SH3TC2: variants seen among roughly 807,000 people sequenced by gnomAD.
SH3TC2 encodes the protein SH3 domain and tetratricopeptide repeats 2, also known as SH3 domain and tetratricopeptide repeat-containing protein 2.
SH3TC2 carries 87 observed loss-of-function variants against 124.5 expected under a neutral mutation model. That is an observed-to-expected ratio of 0.70 (90% CI 0.59 to 0.84). The LOEUF is 0.84. Among genes scored for constraint, SH3TC2 ranks in the 40% least tolerant of loss-of-function variants. The pLI is 0.00. For synonymous variants in SH3TC2, 634 were observed against 628.5 expected, an observed-to-expected ratio of 1.01 and a Z score of -0.13; for missense variants, 1,536 against 1,566.4, an observed-to-expected ratio of 0.98 and a Z score of 0.33.
intron 2 of SH3TC2, among the ~76,000 whole-genome samples, chr5:149,048,952 T>C (rs1284362975): frequency 5.3e-5 from 8 of 152,214 alleles, no homozygotes; most frequent in African/African-American, 1.9e-4. Flanking sequence ...TGAGAAGGCG[T>C]TGGAATGGAT....
At chr5:149,013,919 G>A (rs922348363) in intron 12 of SH3TC2, among the ~76,000 whole-genome samples, 1 of 152,132 alleles carries the variant, frequency 6.6e-6, no homozygotes, top group East Asian at 1.9e-4. Context: ...CCAGGGTCTC[G>A]GAATATGGCT....
At chr5:149,019,959 C>T (rs2127395087) in intron 12 of SH3TC2, among the ~76,000 whole-genome samples, 1 of 152,302 alleles carries the variant, frequency 6.6e-6, no homozygotes, top group African/African-American at 2.4e-5. Context: ...AGCCTCTGCT[C>T]ACAGGGCTTG....
chr5:149,048,035 A>G (rs1021599898), intron 2 of SH3TC2, 46 bp from the exon 3 acceptor site: 7 of 1,611,096 alleles, frequency 4.3e-6, no homozygotes, highest in Non-Finnish European at 5.9e-6. Flanking sequence ...AATAGAATAA[A>G]AAGGAAGAAA....
chr5:149,012,610 C>A lies in SH3TC2; in HGVS notation c.3178G>T (p.Asp1060Tyr). Residue 1060 changes from aspartate (D) to tyrosine (Y), a missense_variant, in exon 13 of 17, where the codon GAC (aspartate) becomes TAC (tyrosine). Around this residue, in one of 3 missense-constraint regions of SH3TC2, gnomAD observed 426 missense variants for 443.5 expected, o/e 0.96. Transcript: ENST00000515425. The part of the protein sequence containing the change: ...AGRLHYLMQE[D>Y]ELVELCLQAA... ...TGCAGGCACAGCTCCACCAGCTCGTCTTCCTGCATGAGGTAGTGGAGTCGC... is the reference window on the plus strand; with the variant it reads ...TGCAGGCACAGCTCCACCAGCTCGTATTCCTGCATGAGGTAGTGGAGTCGC... 1.2e-6 allele frequency: 2 copies of A among 1,614,172 alleles called. No homozygotes were observed. Among genetic ancestry groups the A allele is most frequent in the Non-Finnish European group, 1.7e-6 (2 of 1,180,030 alleles).
chr5:149,032,677 A>G (rs1251991668), intron 8 of SH3TC2, among the ~76,000 whole-genome samples: 1 of 152,224 alleles, frequency 6.6e-6, no homozygotes, highest in Admixed American at 6.5e-5. Context: ...AGGCACAGCA[A>G]AATGAAGTTG....
Position 149,027,396 on chromosome 5 carries a change from T to A in SH3TC2, c.2336A>T (p.Tyr779Phe). The change falls in exon 11 of 17, where the codon TAC becomes TTC. Residue 779 changes from tyrosine (Y) to phenylalanine (F), a missense_variant. Tyr to Phe is a conservative substitution (Grantham distance 22). This residue lies in a region of SH3TC2 where 1,102 missense variants were observed against 1,098.6 expected (regional missense o/e 1.00). Transcript: ENST00000515425. ...CCCTAGCACCAAGGCCTGGCTCAGG[T>A]AGTGGATGGCACCGTCAGGAGACCT... ...EHRSPDGAIH[Y>F]LSQALVLGQL... 1 of 1,614,040 alleles carries A rather than the reference T, an allele frequency of 6.2e-7. No individual in the cohort carries two copies. The highest frequency in any genetic ancestry group is 1.1e-5 in the South Asian group (1 of 91,078).
chr5:149,056,026 A>T (rs955835966), intron 1 of SH3TC2, among the ~76,000 whole-genome samples: 2 of 152,218 alleles, frequency 1.3e-5, no homozygotes, highest in Admixed American at 1.3e-4. Flanking sequence ...ACCACACTGT[A>T]CACATGATTT....
At chr5:149,049,654 G>A (rs530197607) in intron 2 of SH3TC2, among the ~76,000 whole-genome samples, 1 of 152,130 alleles carries the variant, frequency 6.6e-6, no homozygotes, top group African/African-American at 2.4e-5. Flanking sequence ...GCATGGTGGT[G>A]CATGCCTGTA....
chr5:149,020,370 G>GA (rs1753948785), intron 12 of SH3TC2, among the ~76,000 whole-genome samples: 1 of 151,572 alleles, frequency 6.6e-6, no homozygotes, highest in Admixed American at 6.6e-5. Flanking sequence ...TAGTATACAA[G>GA]AAAAAATCTA....
chr5:149,008,680 T>C, intron 15 of SH3TC2, 171 bp downstream of exon 15: 1 of 852,084 alleles, frequency 1.2e-6, no homozygotes, highest in Admixed American at 2.0e-5. Context: ...ATGACAAGCT[T>C]GAGGCTTATA....
chr5:149,018,582 G>A (rs368435801), intron 12 of SH3TC2, among the ~76,000 whole-genome samples: 168 of 152,214 alleles, frequency 1.1e-3, no homozygotes, highest in African/African-American at 3.8e-3. Context: ...ACTACCATGA[G>A]AAGAGTATGG....
chr5:149,027,797 G>A lies in SH3TC2; in HGVS notation c.1935C>T (p.Ser645=). 6.2e-7 allele frequency: 1 copy of A among 1,613,942 alleles called. No individual in the cohort carries two copies. Among genetic ancestry groups the A allele is most frequent in the Non-Finnish European group, 8.5e-7 (1 of 1,180,008 alleles). ...GCAGGACCTCCTCGTGCCGGCCTAG[G>A]CTCAGGAGCAAGCGGATGGCCAGAA... ...ACFLAIRLLL[S]LGRHEEVLPF... The change falls in exon 11 of 17, where the codon AGC becomes AGT. Residue 645 remains serine (S), a synonymous_variant. Transcript: ENST00000515425.
Position 149,047,913 on chromosome 5 carries a change from C to A in SH3TC2, c.228G>T (p.Arg76Ser), listed in dbSNP as rs1388489074. The A allele has an allele frequency of 6.2e-7, 1 of 1,614,192 alleles. No individual in the cohort carries two copies. Residue 76 changes from arginine (R) to serine (S), a missense_variant, in exon 3 of 17, where the codon AGG becomes AGT. Around this residue, in one of 3 missense-constraint regions of SH3TC2, gnomAD observed 1,102 missense variants for 1,098.6 expected, o/e 1.00. Transcript: ENST00000515425. The stretch of plus-strand genomic sequence containing the variant: ...CCTCATTCTCCAGTGCCCAGAGCCG[C>A]CTCCGAGCAGCTTCCTGTAGGGGTC... The part of the protein sequence containing the change: ...VNGPLQEAAR[R>S]RLWALENEDQ...
In SH3TC2 at chr5:149,000,321, GA is replaced by G. The variant is rs1753577236; in HGVS notation, c.*4389del. Among the ~76,000 whole-genome samples the G allele has an allele frequency of 6.6e-6, 1 of 151,910 alleles. No homozygotes were observed. Among genetic ancestry groups the G allele is most frequent in the African/African-American group, 2.4e-5 (1 of 41,344 alleles). ...TACTCCATTTCTCTGAGTGTGCAAG[GA>G]AAAAGTGGTTGTTGCTAGTCTGTCA... On this transcript the variant is annotated 3_prime_UTR_variant, in exon 17 of 17. Coordinates refer to ENST00000515425, the MANE Select transcript of SH3TC2 (RefSeq NM_024577.4).
intron 9 of SH3TC2, 52 bp downstream of exon 9, chr5:149,031,502 C>G: frequency 9.3e-6 from 15 of 1,612,876 alleles, no homozygotes; most frequent in Non-Finnish European, 1.3e-5. Flanking sequence ...GGGACACTAT[C>G]TTATTCTTGA....
At chr5:149,060,995 G>A (rs1371738985) in intron 1 of SH3TC2, among the ~76,000 whole-genome samples, 3 of 152,256 alleles carry the variant, frequency 2.0e-5, no homozygotes, top group South Asian at 2.1e-4. Context: ...TATCCAGATC[G>A]ACTGGACTTG....
At chr5:149,009,897 C>T (rs1753755663) in intron 14 of SH3TC2, among the ~76,000 whole-genome samples, 1 of 152,072 alleles carries the variant, frequency 6.6e-6, no homozygotes, top group South Asian at 2.1e-4. Flanking sequence ...ATCTACATAA[C>T]CCTTTAAATA....
Position 148,996,451 on chromosome 5 carries a change from C to A in SH3TC2, c.*8260G>T, listed in dbSNP as rs745730474. On this transcript the variant is annotated 3_prime_UTR_variant, in exon 17 of 17. Transcript: ENST00000515425. ...TCTGTTTGCTATCCTTTCCCTCCAC[C>A]CACTACAGCCCCAAAGCTACATGTT... Among the ~76,000 whole-genome samples, 9 of 152,154 alleles carry A rather than the reference C, an allele frequency of 5.9e-5. No homozygotes were observed. Among genetic ancestry groups the A allele is most frequent in the South Asian group, 2.1e-4 (1 of 4,826 alleles).
intron 3 of SH3TC2, 21 bp from the exon 4 acceptor site, chr5:149,044,659 G>T: frequency 1.9e-6 from 3 of 1,587,450 alleles, no homozygotes; most frequent in Non-Finnish European, 2.6e-6. Flanking sequence ...GAAACAATGA[G>T]TCAGCCTGGG....
Sources: allele counts gnomAD v4.1 joint callset (sites outside exome capture counted in the v4.1 genomes callset), GRCh38; gene constraint gnomAD v4.1.1; regional missense constraint gnomAD v4.1.1; transcripts MANE v1.5; gene names NCBI Gene and HGNC (gene_info 2026-07-23, HGNC 2026-07-21).